Variants in KALRN observed in about 807,000 individuals in gnomAD.
The protein encoded by KALRN is kalirin.
Under a neutral mutation model 353.7 loss-of-function variants are expected in KALRN, and 70 were observed. That is an observed-to-expected ratio of 0.20 (90% CI 0.16 to 0.24). KALRN has a LOEUF of 0.24. Ranked by LOEUF, KALRN falls within the 10% of genes least tolerant of loss-of-function variation. The pLI is 1.00. For synonymous variants in KALRN, 1,391 were observed against 1,434.8 expected (o/e 0.97, Z 0.69); for missense variants, 2,791 against 3,756.7 (o/e 0.74, Z 6.72).
rs1220335058 is a variant in KALRN, at chr3:124,679,500, C to T, written c.7360C>T (p.Pro2454Ser). ...GGAATCAGAGTGTGATGATCTTGAC[C>T]CTAATACTAGCATGGAGGTAGAAGC... Reference protein sequence around the residue: ...SEESECDDLDPNTSMEILNPN... With the variant: ...SEESECDDLDSNTSMEILNPN... The change falls in exon 51 of 60, where the codon CCT (proline) becomes TCT (serine). Residue 2454 changes from proline (P) to serine (S), a missense_variant. This residue lies in a region of KALRN where 1,065 missense variants were observed against 1,156.4 expected (regional missense o/e 0.92). Coordinates refer to ENST00000682506, the MANE Select transcript of KALRN (RefSeq NM_001388419.1). 1 of 1,613,918 alleles carries T rather than the reference C, an allele frequency of 6.2e-7. No individual in the cohort carries two copies. The highest frequency in any genetic ancestry group is 1.7e-5 in the Admixed American group (1 of 60,024).
intron 1 of KALRN, among the ~76,000 whole-genome samples, chr3:124,060,746 C>T (rs1218029483): frequency 6.6e-6 from 1 of 152,242 alleles, no homozygotes; most frequent in African/African-American, 2.4e-5. Context: ...AGTTGCTGAG[C>T]ATGCGGTGAT....
At chr3:124,097,030 G>A (rs1371974891) in intron 1 of KALRN, among the ~76,000 whole-genome samples, 1 of 152,252 alleles carries the variant, frequency 6.6e-6, no homozygotes, top group African/African-American at 2.4e-5. Context: ...GCTCTTGACT[G>A]TGTAGGGTGT....
At chr3:124,569,968 G>A (rs1024240297) in intron 34 of KALRN, among the ~76,000 whole-genome samples, 1 of 152,208 alleles carries the variant, frequency 6.6e-6, no homozygotes, top group Non-Finnish European at 1.5e-5. Flanking sequence ...AACTCTGATA[G>A]CGGCCTGCCA....
chr3:124,512,695 T>C, intron 33 of KALRN, among the ~76,000 whole-genome samples: 1 of 151,376 alleles, frequency 6.6e-6, no homozygotes, highest in Admixed American at 6.6e-5. Context: ...AAAAAAAACA[T>C]GAAGGGGGAA....
chr3:124,488,248 T>C lies in KALRN; in HGVS notation c.4329T>C (p.Asp1443=), dbSNP rs1401924250. Residue 1443 remains aspartate (D), a synonymous_variant, in exon 29 of 60, where the codon GAT becomes GAC. Coordinates refer to ENST00000682506, the MANE Select transcript of KALRN (RefSeq NM_001388419.1). ...CCEEGKGELK[D]GLEVMLSVPK... ...AAGAAGGGAAAGGGGAGCTCAAGGATGGCCTGGAGGTGATGCTCAGTGTCC... is the reference window on the plus strand; with the variant it reads ...AAGAAGGGAAAGGGGAGCTCAAGGACGGCCTGGAGGTGATGCTCAGTGTCC... 2 of 1,613,858 alleles carry C rather than the reference T, an allele frequency of 1.2e-6. No homozygotes were observed. Among genetic ancestry groups the C allele is most frequent in the Non-Finnish European group, 8.5e-7 (1 of 1,179,864 alleles).
intron 6 of KALRN, among the ~76,000 whole-genome samples, chr3:124,315,961 C>T (rs1458121207): frequency 6.6e-6 from 1 of 152,088 alleles, no homozygotes; most frequent in Non-Finnish European, 1.5e-5. Flanking sequence ...AGATGAAGGA[C>T]AGAGACTGAT....
chr3:124,526,017 A>C (rs769051192), intron 33 of KALRN, among the ~76,000 whole-genome samples: 5 of 152,220 alleles, frequency 3.3e-5, no homozygotes, highest in Non-Finnish European at 5.9e-5. Flanking sequence ...TGGCACAGCA[A>C]TATGTTGCTT....
rs543278948 is a variant in KALRN at position 124,166,047 on chromosome 3, C to T, written c.74-61943C>T. ...TTCCCCCGCTCATCCTCCCATCTGC[C>T]TGCTCCCCAGCATTCAGGCCCTCCC... is the stretch of plus-strand genomic sequence containing the variant. On this transcript the variant is annotated intron_variant, in intron 1 of 59. Transcript: ENST00000682506. 4.6e-5 allele frequency among the ~76,000 whole-genome samples: 7 copies of T among 152,260 alleles called. No homozygotes were observed. In the East Asian group the frequency reaches 1.4e-3, roughly 29 times the overall value.
intron 1 of KALRN, among the ~76,000 whole-genome samples, chr3:124,202,843 TCTCTGGAGCTCTCAATGCTGCTGTGGTC>T (rs1214319834): frequency 6.6e-6 from 1 of 152,068 alleles, no homozygotes; most frequent in Non-Finnish European, 1.5e-5. Flanking sequence ...TCTTCTAGAG[TCTCTGGAGCTCTCAATGCTGCTGTGGTC>T]CTCTGAGGCT....
At chr3:124,712,888 C>A in intron 57 of KALRN, 47 bp from the exon 58 acceptor site, 1 of 1,349,130 alleles carries the variant, frequency 7.4e-7, no homozygotes, top group African/African-American at 1.5e-5. Context: ...TAAAATATAT[C>A]TAGTTAATTA....
chr3:124,471,254 GTTT>G (rs869160995), intron 25 of KALRN, among the ~76,000 whole-genome samples: 2 of 127,474 alleles, frequency 1.6e-5, no homozygotes, highest in East Asian at 4.6e-4. Flanking sequence ...CCCCCACAAA[GTTT>G]TATTATTATT....
At chr3:124,080,984 C>T (rs1198475807) in intron 1 of KALRN, among the ~76,000 whole-genome samples, 1 of 152,206 alleles carries the variant, frequency 6.6e-6, no homozygotes. Flanking sequence ...CTAAAGCTCA[C>T]TGTATGCTCC....
At chr3:124,677,456 A>AT in intron 49 of KALRN, 1 of 372,772 alleles carries the variant, frequency 2.7e-6, no homozygotes, top group Non-Finnish European at 5.2e-6. Context: ...TTGAAAAGCC[A>AT]TTGCTGCTCT....
At chr3:124,042,978 T>G (rs2040104901) in intron 1 of KALRN, among the ~76,000 whole-genome samples, 1 of 152,148 alleles carries the variant, frequency 6.6e-6, no homozygotes, top group Non-Finnish European at 1.5e-5. Flanking sequence ...TACAGGGGTA[T>G]CTACAGTTGG....
At chr3:124,219,411 A>G (rs555839852) in intron 1 of KALRN, among the ~76,000 whole-genome samples, 2 of 152,264 alleles carry the variant, frequency 1.3e-5, no homozygotes, top group Admixed American at 6.5e-5. Flanking sequence ...ATGGAAATAT[A>G]CTTCAAATGC....
At chr3:124,186,466 T>A (rs944807494) in intron 1 of KALRN, among the ~76,000 whole-genome samples, 6 of 152,200 alleles carry the variant, frequency 3.9e-5, no homozygotes, top group Admixed American at 1.3e-4. Flanking sequence ...GAAGCAATGC[T>A]TAGCAAATGT....
intron 34 of KALRN, among the ~76,000 whole-genome samples, chr3:124,621,387 A>G (rs2079253643): frequency 1.3e-5 from 2 of 152,202 alleles, no homozygotes; most frequent in South Asian, 4.1e-4. Flanking sequence ...AAGGTAAAGG[A>G]TGTTGAGTTG....
chr3:124,061,585 A>G (rs1402609547), intron 1 of KALRN, among the ~76,000 whole-genome samples: 1 of 152,158 alleles, frequency 6.6e-6, no homozygotes, highest in Non-Finnish European at 1.5e-5. Flanking sequence ...AAGGACATTT[A>G]TTTTTAATTT....
At chr3:124,533,003 AAAT>A (rs2068182920) in intron 33 of KALRN, among the ~76,000 whole-genome samples, 2 of 148,622 alleles carry the variant, frequency 1.3e-5, no homozygotes, top group Non-Finnish European at 3.0e-5. Context: ...ATTTATATAT[AAAT>A]AATAACCTAA....
Sources: allele counts gnomAD v4.1 joint callset (sites outside exome capture counted in the v4.1 genomes callset), GRCh38; gene constraint gnomAD v4.1.1; regional missense constraint gnomAD v4.1.1; transcripts MANE v1.5; gene names NCBI Gene and HGNC (gene_info 2026-07-23, HGNC 2026-07-21).